The following NMNAT2 variants were observed in gnomAD, a reference collection of about 807,000 sequenced individuals.
NMNAT2 encodes the protein nicotinamide/nicotinic acid mononucleotide adenylyltransferase 2.
Under a neutral mutation model 41.6 loss-of-function variants are expected in NMNAT2, and 11 were observed. The ratio of observed to expected loss-of-function variants is 0.26; its 90% confidence interval spans 0.17 to 0.44. NMNAT2 has a LOEUF of 0.44. Among genes scored for constraint, NMNAT2 ranks in the 20% least tolerant of loss-of-function variants. NMNAT2 has a pLI of 1.00. For missense variants in NMNAT2, 288 were observed against 407.7 expected (o/e 0.71, Z 2.53); for synonymous variants, 148 against 151.2 (o/e 0.98, Z 0.16).
chr1:183,304,677 A>G (rs771543559), intron 1 of NMNAT2: 13 of 1,614,024 alleles, frequency 8.1e-6, no homozygotes, highest in Non-Finnish European at 1.1e-5. Context: ...CACCTGAGAG[A>G]GTAACAAACA....
chr1:183,411,856 G>A (rs1239098519), intron 1 of NMNAT2, among the ~76,000 whole-genome samples: 1 of 152,202 alleles, frequency 6.6e-6, no homozygotes, highest in East Asian at 1.9e-4. Context: ...TTTAAATTAT[G>A]TGATCAGGGG....
rs1213280426 is a variant in NMNAT2 at position 183,316,310 on chromosome 1, G to T, written c.86-22517C>A. On this transcript the variant is annotated intron_variant, in intron 1 of 10. Transcript: ENST00000287713. Reference sequence around the variant, plus strand: ...GGGCTCAGTGTCTGTGTCACCCAGGGTCTGTTGCCCCCAACTCCTCCCTGA... The same window carrying T: ...GGGCTCAGTGTCTGTGTCACCCAGGTTCTGTTGCCCCCAACTCCTCCCTGA... Among the ~76,000 whole-genome samples the T allele has an allele frequency of 2.6e-5, 4 of 152,176 alleles. No homozygotes were observed. The South Asian group carries it at 8.3e-4, about 32-fold the overall frequency.
intron 8 of NMNAT2, chr1:183,266,770 C>T: frequency 4.6e-6 from 1 of 215,104 alleles, no homozygotes; most frequent in Non-Finnish European, 9.8e-6. Flanking sequence ...CTGAAGATCT[C>T]CAGGGCAAAA....
intron 1 of NMNAT2, among the ~76,000 whole-genome samples, chr1:183,330,011 C>A (rs999614945): frequency 1.3e-5 from 2 of 152,114 alleles, no homozygotes; most frequent in African/African-American, 4.8e-5. Context: ...GGCTGGATAT[C>A]GAACGGGGAG....
intron 3 of NMNAT2, 83 bp downstream of exon 3, chr1:183,292,707 C>T: frequency 7.8e-7 from 1 of 1,287,792 alleles, no homozygotes; most frequent in Non-Finnish European, 1.1e-6. Context: ...ATCCAAATTA[C>T]TGCTGGAACT....
At chr1:183,416,748 C>A (rs1320603063) in intron 1 of NMNAT2, among the ~76,000 whole-genome samples, 2 of 152,174 alleles carry the variant, frequency 1.3e-5, no homozygotes, top group African/African-American at 4.8e-5. Flanking sequence ...AGGTTTTTAA[C>A]AAGCGAGCCC....
At chr1:183,404,102 T>A (rs937740431) in intron 1 of NMNAT2, among the ~76,000 whole-genome samples, 2 of 150,132 alleles carry the variant, frequency 1.3e-5, no homozygotes, top group Non-Finnish European at 3.0e-5. Flanking sequence ...AAATGTAATT[T>A]TTTTTTTTTT....
intron 1 of NMNAT2, among the ~76,000 whole-genome samples, chr1:183,350,062 C>A (rs1663013448): frequency 6.6e-6 from 1 of 152,184 alleles, no homozygotes; most frequent in Admixed American, 6.5e-5. Flanking sequence ...ACATTGAAAC[C>A]CTGCTGTGCA....
chr1:183,365,174 G>A (rs959686182), intron 1 of NMNAT2, among the ~76,000 whole-genome samples: 4 of 152,102 alleles, frequency 2.6e-5, no homozygotes, highest in Admixed American at 2.0e-4. Context: ...AAAGTGGCAG[G>A]AAAAGTGGAG....
rs144900920 is a variant in NMNAT2, at chr1:183,311,247, G to A, written c.86-17454C>T. On this transcript the variant is annotated intron_variant, in intron 1 of 10. Transcript: ENST00000287713. ...TCTGTGCCCAGTCATTAAGAGCACA[G>A]GATTTTGGAACAAGCAGAGTGAGCG... is the stretch of plus-strand genomic sequence containing the variant. Among the ~76,000 whole-genome samples the A allele has an allele frequency of 3.7e-3, 566 of 152,230 alleles. 7 individuals carry two copies. The highest frequency in any genetic ancestry group is 2.7e-3 in the Non-Finnish European group (187 of 68,016).
At position 183,392,742 on chromosome 1, in the gene NMNAT2, G is replaced by A. The variant is rs537780689; in HGVS notation, c.85+25441C>T. Among the ~76,000 whole-genome samples, 6 of 152,240 alleles carry A rather than the reference G, an allele frequency of 3.9e-5. No individual in the cohort carries two copies. The East Asian group carries it at 1.2e-3, about 29-fold the overall frequency. ...TTGCAACTGCTATTCCCTTTGCTGG[G>A]AATGCTTTCCCAGAAGCATTCTTCA... is the stretch of plus-strand genomic sequence containing the variant. On this transcript the variant is annotated intron_variant, in intron 1 of 10. Coordinates refer to ENST00000287713, the MANE Select transcript of NMNAT2 (RefSeq NM_015039.4).
chr1:183,287,419 G>A (rs540073016), intron 4 of NMNAT2, among the ~76,000 whole-genome samples: 3 of 152,274 alleles, frequency 2.0e-5, no homozygotes, highest in South Asian at 2.1e-4. Flanking sequence ...TTTGTGCTGC[G>A]GGAAGCAGGG....
chr1:183,364,977 G>T (rs1036947890), intron 1 of NMNAT2, among the ~76,000 whole-genome samples: 2 of 152,100 alleles, frequency 1.3e-5, no homozygotes, highest in Non-Finnish European at 2.9e-5. Flanking sequence ...TCAGACGAGG[G>T]TTCCCATCCA....
chr1:183,281,936 C>T (rs1661281803), intron 7 of NMNAT2, among the ~76,000 whole-genome samples: 1 of 152,244 alleles, frequency 6.6e-6, no homozygotes, highest in Non-Finnish European at 1.5e-5. Flanking sequence ...GCCTCCTTCC[C>T]CAGGTCACGC....
At position 183,418,367 on chromosome 1, in the gene NMNAT2, A is replaced by G. The variant is rs1649312560; in HGVS notation, c.-100T>C. On this transcript the variant is annotated 5_prime_UTR_variant, in exon 1 of 11. Transcript: ENST00000287713. Reference sequence around the variant, plus strand: ...AAGGAAGGCGAGGCTCCGGCGGTGGATGCTGTGGACTCCAAGGAGCCGCTC... The same window carrying G: ...AAGGAAGGCGAGGCTCCGGCGGTGGGTGCTGTGGACTCCAAGGAGCCGCTC... 8.4e-7 allele frequency: 1 copy of G among 1,190,466 alleles called. No homozygotes were observed. The highest frequency in any genetic ancestry group is 2.3e-5 in the East Asian group (1 of 42,554). 73.7% of individuals were successfully genotyped at this position (1,190,466 alleles called of 1,614,324 possible).
intron 1 of NMNAT2, among the ~76,000 whole-genome samples, chr1:183,368,174 G>C (rs1663455070): frequency 6.6e-6 from 1 of 152,116 alleles, no homozygotes; most frequent in Non-Finnish European, 1.5e-5. Context: ...AAACTGAAAA[G>C]AAATCAAAAT....
At chr1:183,296,524 T>TTTC (rs1447807771) in intron 1 of NMNAT2, among the ~76,000 whole-genome samples, 7 of 151,198 alleles carry the variant, frequency 4.6e-5, no homozygotes, top group Admixed American at 4.0e-4. Flanking sequence ...CACATTTGCT[T>TTTC]TTTTTTTTGA....
intron 1 of NMNAT2, among the ~76,000 whole-genome samples, chr1:183,401,150 T>A (rs2101926500): frequency 6.6e-6 from 1 of 152,268 alleles, no homozygotes; most frequent in South Asian, 2.1e-4. Flanking sequence ...AGAGAAAATT[T>A]TTACAATCCA....
intron 4 of NMNAT2, among the ~76,000 whole-genome samples, chr1:183,287,395 C>T (rs1302222496): frequency 6.6e-6 from 1 of 152,196 alleles, no homozygotes; most frequent in East Asian, 1.9e-4. Flanking sequence ...TGGTGCCAGG[C>T]AGCACAGGAT....
Sources: allele counts gnomAD v4.1 joint callset (sites outside exome capture counted in the v4.1 genomes callset), GRCh38; gene constraint gnomAD v4.1.1; transcripts MANE v1.5; gene names NCBI Gene and HGNC (gene_info 2026-07-23, HGNC 2026-07-21).